The following PTPRD variants were observed in gnomAD, a reference collection of about 807,000 sequenced individuals.
PTPRD encodes receptor-type tyrosine-protein phosphatase delta.
A neutral mutation model predicts 214.5 loss-of-function variants in PTPRD; 34 were observed. The ratio of observed to expected loss-of-function variants is 0.16; its 90% CI spans 0.12 to 0.21. The LOEUF (loss-of-function observed/expected upper bound fraction) is 0.21, where lower values mean the gene tolerates loss of function less well. PTPRD is among the 10% of genes least tolerant of loss of function. The pLI, the probability that PTPRD is intolerant of heterozygous loss-of-function variation, is 1.00. For missense variants in PTPRD, 2,545 were observed against 2,398.7 expected, an observed-to-expected ratio of 1.06 and a Z score of -1.27; for synonymous variants, 1,128 against 845.7, an observed-to-expected ratio of 1.33 and a Z score of -5.79.
intron 7 of PTPRD, among the ~76,000 whole-genome samples, chr9:9,582,378 C>G (rs78083180): frequency 0.023 from 3,527 of 152,066 alleles, 150 homozygotes; most frequent in African/African-American, 0.08. Context: ...CTCCAGCAGT[C>G]ATATATCATA....
chr9:10,300,507 G>T (rs534592777), intron 3 of PTPRD, among the ~76,000 whole-genome samples: 1 of 152,226 alleles, frequency 6.6e-6, no homozygotes, highest in African/African-American at 2.4e-5. Flanking sequence ...AGCAAGCTAA[G>T]ATCCTGGCTT....
At chr9:9,374,656 C>G (rs181455915) in intron 9 of PTPRD, among the ~76,000 whole-genome samples, 1 of 152,114 alleles carries the variant, frequency 6.6e-6, no homozygotes, top group African/African-American at 2.4e-5. Context: ...ACCCTCAATA[C>G]GTTGTAACAA....
At chr9:8,671,943 T>C (rs1381856904) in intron 12 of PTPRD, among the ~76,000 whole-genome samples, 1 of 152,210 alleles carries the variant, frequency 6.6e-6, no homozygotes, top group Non-Finnish European at 1.5e-5. Flanking sequence ...TTTACATACA[T>C]ACTCAAATAT....
intron 7 of PTPRD, among the ~76,000 whole-genome samples, chr9:9,618,394 A>G (rs991384043): frequency 6.6e-6 from 1 of 152,070 alleles, no homozygotes. Flanking sequence ...TAAGAAAAAA[A>G]AAACAATAAT....
intron 7 of PTPRD, among the ~76,000 whole-genome samples, chr9:9,594,622 T>C (rs2093096127): frequency 6.6e-6 from 1 of 152,122 alleles, no homozygotes; most frequent in Admixed American, 6.6e-5. Flanking sequence ...TTCTGTCCCA[T>C]TGGTCTGTGT....
At chr9:9,778,201 C>A (rs1324843055) in intron 5 of PTPRD, among the ~76,000 whole-genome samples, 1 of 152,188 alleles carries the variant, frequency 6.6e-6, no homozygotes, top group Admixed American at 6.5e-5. Context: ...AAGTTAGGAA[C>A]CCTGCACAGC....
intron 14 of PTPRD, among the ~76,000 whole-genome samples, chr9:8,606,630 T>C (rs1390479196): frequency 1.3e-5 from 2 of 152,238 alleles, no homozygotes; most frequent in Non-Finnish European, 2.9e-5. Flanking sequence ...CTTGATATTC[T>C]GAAATCCATT....
At chr9:8,607,426 C>G (rs943385060) in intron 14 of PTPRD, among the ~76,000 whole-genome samples, 1 of 152,278 alleles carries the variant, frequency 6.6e-6, no homozygotes, top group Middle Eastern at 3.4e-3. Flanking sequence ...GGGTGGATCA[C>G]AAGGTCAGGA....
intron 3 of PTPRD, among the ~76,000 whole-genome samples, chr9:10,086,736 A>G (rs2098344238): frequency 6.6e-6 from 1 of 151,856 alleles, no homozygotes; most frequent in African/African-American, 2.4e-5. Flanking sequence ...CTTGTTTAAG[A>G]TAAATGAAAC....
intron 9 of PTPRD, among the ~76,000 whole-genome samples, chr9:9,388,139 C>T (rs927272514): frequency 2.6e-5 from 4 of 152,216 alleles, no homozygotes; most frequent in Admixed American, 2.6e-4. Context: ...ACTGGTTTTC[C>T]CCATGACCAG....
At chr9:9,317,397 C>G (rs974659876) in intron 9 of PTPRD, among the ~76,000 whole-genome samples, 5 of 152,146 alleles carry the variant, frequency 3.3e-5, no homozygotes, top group Non-Finnish European at 5.9e-5. Flanking sequence ...ATTATTCTTC[C>G]TTAAAACTTT....
intron 11 of PTPRD, among the ~76,000 whole-genome samples, chr9:8,789,207 A>T (rs1599826809): frequency 6.6e-6 from 1 of 152,058 alleles, no homozygotes; most frequent in Non-Finnish European, 1.5e-5. Context: ...TGCTTCTACT[A>T]ATGAATTGTT....
At chr9:10,541,313 C>A (rs1211693294) in intron 2 of PTPRD, among the ~76,000 whole-genome samples, 1 of 152,096 alleles carries the variant, frequency 6.6e-6, no homozygotes, top group Non-Finnish European at 1.5e-5. Flanking sequence ...GTCATTTCCA[C>A]AGAAAAACAT....
At chr9:9,644,298 G>A (rs1386307659) in intron 7 of PTPRD, among the ~76,000 whole-genome samples, 2 of 152,110 alleles carry the variant, frequency 1.3e-5, no homozygotes, top group East Asian at 3.9e-4. Context: ...GAAGAGGAAG[G>A]AATCAGAACA....
At chr9:9,154,451 C>T (rs192455545) in intron 10 of PTPRD, among the ~76,000 whole-genome samples, 148 of 152,154 alleles carry the variant, frequency 9.7e-4, no homozygotes, top group African/African-American at 3.3e-3. Flanking sequence ...CTGTGTCTTC[C>T]CAAAACAGGG....
At chr9:10,278,314 T>G (rs745485346) in intron 3 of PTPRD, among the ~76,000 whole-genome samples, 1 of 152,214 alleles carries the variant, frequency 6.6e-6, no homozygotes, top group South Asian at 2.1e-4. Context: ...CATATGATAG[T>G]CTATGCCTGT....
At chr9:8,407,721 T>C (rs962399217) in intron 35 of PTPRD, among the ~76,000 whole-genome samples, 3 of 152,188 alleles carry the variant, frequency 2.0e-5, no homozygotes, top group Non-Finnish European at 2.9e-5. Context: ...ATAAAACAGA[T>C]GGGATGCAGC....
chr9:10,258,767 C>G (rs757454382), intron 3 of PTPRD, among the ~76,000 whole-genome samples: 20 of 152,056 alleles, frequency 1.3e-4, no homozygotes. Flanking sequence ...CTCTCTCTTT[C>G]TTTCAAATCC....
intron 10 of PTPRD, among the ~76,000 whole-genome samples, chr9:9,142,792 G>A (rs527521397): frequency 6.6e-6 from 1 of 152,208 alleles, no homozygotes; most frequent in South Asian, 2.1e-4. Flanking sequence ...CATCTGTCCT[G>A]TATATTTCCA....
Sources: gnomAD v4.1 joint callset for allele counts (sites outside exome capture counted in the v4.1 genomes callset) on GRCh38, gnomAD v4.1.1 for gene constraint, MANE v1.5 for transcripts, NCBI Gene and HGNC (gene_info 2026-07-23, HGNC 2026-07-21) for gene names.